The following INF2 variants were observed in gnomAD, a reference collection of about 807,000 sequenced individuals.
INF2 encodes the protein inverted formin 2.
A neutral mutation model predicts 123.5 loss-of-function variants in INF2; 43 were observed. The observed-to-expected ratio is 0.35, with a 90% CI of 0.27 to 0.45. INF2 has a LOEUF of 0.45. INF2 is among the 20% of genes least tolerant of loss of function. INF2 has a pLI of 1.00. For missense variants in INF2, 1,453 were observed against 1,682.7 expected, an observed-to-expected ratio of 0.86 and a Z score of 2.39; for synonymous variants, 851 against 745.0, an observed-to-expected ratio of 1.14 and a Z score of -2.32.
chr14:104,696,144 C>G (rs1223036067), intron 1 of INF2, among the ~76,000 whole-genome samples: 1 of 152,242 alleles, frequency 6.6e-6, no homozygotes, highest in African/African-American at 2.4e-5. Flanking sequence ...GAGCGCCTTT[C>G]TGCCCACCTG....
chr14:104,698,444 G>A (rs1472637324), intron 1 of INF2, among the ~76,000 whole-genome samples: 1 of 152,214 alleles, frequency 6.6e-6, no homozygotes, highest in Admixed American at 6.5e-5. Flanking sequence ...GGAGTGGGAA[G>A]CCTCATGGTT....
intron 1 of INF2, among the ~76,000 whole-genome samples, chr14:104,698,477 T>G (rs558826926): frequency 6.6e-6 from 1 of 152,332 alleles, no homozygotes; most frequent in Admixed American, 6.5e-5. Context: ...TAATTCACTC[T>G]ATACATAGAA....
chr14:104,701,518 C>T lies in INF2; in HGVS notation c.153C>T (p.Ser51=). ...AGATGCCCTCTGTGGTCAACTACTC[C>T]GGCCTGCGCAAGCGCCTGGAGGGCA... ...LLQMPSVVNY[S]GLRKRLEGSD... is the part of the protein sequence containing the mutation. The change falls in exon 2 of 23, where the codon TCC becomes TCT. Residue 51 remains serine (S), a synonymous_variant. Coordinates refer to ENST00000392634, the MANE Select transcript of INF2 (RefSeq NM_022489.4). The T allele has an allele frequency of 6.2e-7, 1 of 1,606,732 alleles. No homozygotes were observed. Among genetic ancestry groups the T allele is most frequent in the Non-Finnish European group, 8.5e-7 (1 of 1,177,362 alleles).
intron 1 of INF2, among the ~76,000 whole-genome samples, chr14:104,682,384 A>G (rs1011470783): frequency 3.3e-5 from 5 of 152,200 alleles, no homozygotes; most frequent in Admixed American, 2.6e-4. Flanking sequence ...CTTTCCATGA[A>G]AAAAGCATAG....
At position 104,720,162 on chromosome 14, in the gene INF2, T is replaced by C. The variant is rs1466963451; in HGVS notation, c.*1369T>C. 2 of 155,102 alleles carry C rather than the reference T, an allele frequency of 1.3e-5. No homozygotes were observed. Among genetic ancestry groups the C allele is most frequent in the Non-Finnish European group, 2.9e-5 (2 of 70,036 alleles). 9.6% of individuals were successfully genotyped at this position (155,102 alleles called of 1,614,324 possible). A position where few individuals can be genotyped will look rare whatever the true frequency, so the allele number is the denominator to read the frequency against. On this transcript the variant is annotated 3_prime_UTR_variant, in exon 23 of 23. Coordinates refer to ENST00000392634, the MANE Select transcript of INF2 (RefSeq NM_022489.4). Reference sequence around the variant, plus strand: ...TGTCTCCTGGCTTCCTTCGGCTGTTTTCACGCGCCATCCTCACGGCAGGCT... The same window carrying C: ...TGTCTCCTGGCTTCCTTCGGCTGTTCTCACGCGCCATCCTCACGGCAGGCT...
In INF2 at chr14:104,718,930, G is replaced by A. The variant is rs1010977839; in HGVS notation, c.*137G>A. Reference sequence around the variant, plus strand: ...CCAAAACTCCGTGCCTTACCCAGCCGGGGCCCTCCTGGAGCCTTCTTGGGG... The same window carrying A: ...CCAAAACTCCGTGCCTTACCCAGCCAGGGCCCTCCTGGAGCCTTCTTGGGG... On this transcript the variant is annotated 3_prime_UTR_variant, in exon 23 of 23. Coordinates refer to ENST00000392634, the MANE Select transcript of INF2 (RefSeq NM_022489.4). The A allele has an allele frequency of 1.8e-5, 27 of 1,480,962 alleles. No individual in the cohort carries two copies. Among genetic ancestry groups the A allele is most frequent in the South Asian group, 1.1e-4 (8 of 72,558 alleles). 91.7% of individuals were successfully genotyped at this position (1,480,962 alleles called of 1,614,324 possible). A position where few individuals can be genotyped will look rare whatever the true frequency, so the allele number is the denominator to read the frequency against.
At chr14:104,708,782 C>T (rs760881460) in intron 10 of INF2, 50 bp downstream of exon 10, 9 of 1,583,528 alleles carry the variant, frequency 5.7e-6, no homozygotes, top group Admixed American at 3.3e-5. Flanking sequence ...CTCGCCTCCA[C>T]CTGAGCCTTC....
intron 1 of INF2, among the ~76,000 whole-genome samples, chr14:104,698,373 C>T (rs952197512): frequency 6.6e-6 from 1 of 152,230 alleles, no homozygotes; most frequent in Non-Finnish European, 1.5e-5. Context: ...TTGCAGAGCT[C>T]GCTGTAGCAG....
intron 1 of INF2, 45 bp from the exon 2 acceptor site, chr14:104,701,312 C>A: frequency 1.3e-6 from 2 of 1,532,170 alleles, no homozygotes; most frequent in Non-Finnish European, 8.8e-7. Flanking sequence ...AGGAGGACAG[C>A]CCCCATCCCC....
exon 1 of INF2, chr14:104,681,483 C>G (rs779492828): frequency 9.7e-7 from 1 of 1,027,652 alleles, no homozygotes; most frequent in South Asian, 1.3e-5. Context: ...CAGCTAAGCC[C>G]TAGTTACCGG....
chr14:104,695,468 G>A (rs1445468114), intron 1 of INF2, among the ~76,000 whole-genome samples: 3 of 152,102 alleles, frequency 2.0e-5, no homozygotes, highest in Non-Finnish European at 4.4e-5. Context: ...CTGGCGAGCC[G>A]CCCACCCACC....
chr14:104,685,758 A>AG (rs1033075522), upstream of INF2, among the ~76,000 whole-genome samples: 1 of 131,504 alleles, frequency 7.6e-6, no homozygotes, highest in African/African-American at 3.0e-5. Flanking sequence ...TGGATGGATA[A>AG]GGGTGGGTGC....
chr14:104,699,609 G>A lies in INF2; in HGVS notation c.-9-1748G>A, dbSNP rs1427950622. 12 of 981,928 alleles carry A rather than the reference G, an allele frequency of 1.2e-5. No individual in the cohort carries two copies. The highest frequency in any genetic ancestry group is 2.4e-4 in the East Asian group (2 of 8,504). 60.8% of individuals were successfully genotyped at this position (981,928 alleles called of 1,614,324 possible). On this transcript the variant is annotated intron_variant, in intron 1 of 22. Coordinates refer to ENST00000392634, the MANE Select transcript of INF2 (RefSeq NM_022489.4). This position sits in a 1 kb window ranked among gnomAD's most constrained non-coding sequence, Gnocchi z 4.7. ...GTCTTGCGCATCTGGGTGAGTGGAC[G>A]GCCACTGGGTGACCAAGAGGGCCGG...
rs759304513 is a variant in INF2, at chr14:104,707,386, G to A, written c.1119G>A (p.Pro373=). The A allele has an allele frequency of 2.0e-5, 32 of 1,590,668 alleles. 1 individual carries two copies. Among genetic ancestry groups the A allele is most frequent in the Middle Eastern group, 1.6e-4 (1 of 6,062 alleles). The change falls in exon 8 of 23, where the codon CCG becomes CCA. Residue 373 remains proline, a synonymous_variant. Transcript: ENST00000392634. ...ACCAGAGCCAGAGGGGCAGCTCCCC[G>A]CAAAACACTACAACCCCCAAGCCCA... ...NLDQSQRGSS[P]QNTTTPKPSV...
chr14:104,692,893 C>G (rs1053267000), intron 1 of INF2, among the ~76,000 whole-genome samples: 4 of 152,178 alleles, frequency 2.6e-5, no homozygotes, highest in African/African-American at 9.7e-5. Context: ...CCAGGAGAGT[C>G]CTGAGAGAAG....
At chr14:104,713,743 C>A in intron 20 of INF2, 137 bp downstream of exon 20, 1 of 959,358 alleles carries the variant, frequency 1.0e-6, no homozygotes, top group Admixed American at 2.5e-5. Context: ...AGACTGGGGA[C>A]AGCCGAGGGG....
chr14:104,705,211 G>T lies in INF2; in HGVS notation c.702-824G>T, dbSNP rs535694992. Among the ~76,000 whole-genome samples the T allele has an allele frequency of 2.0e-5, 3 of 152,346 alleles. No homozygotes were observed. In the South Asian group the frequency reaches 6.2e-4, roughly 32 times the overall value. Reference sequence around the variant, plus strand: ...ATGGGCAGATCACCTGAGGTCAGGAGTTCGAGACCAGCTTGGCCAACATGG... The same window carrying T: ...ATGGGCAGATCACCTGAGGTCAGGATTTCGAGACCAGCTTGGCCAACATGG... On this transcript the variant is annotated intron_variant, in intron 5 of 22. Coordinates refer to ENST00000392634, the MANE Select transcript of INF2 (RefSeq NM_022489.4).
chr14:104,712,363 G>A, intron 16 of INF2, 70 bp from the exon 17 acceptor site: 3 of 1,601,044 alleles, frequency 1.9e-6, no homozygotes, highest in South Asian at 1.1e-5. Context: ...GTGCAGGGGA[G>A]GGGCTCCCCT....
Position 104,706,989 on chromosome 14 carries a change from G to C in INF2, c.923G>C (p.Ser308Thr). The change falls in exon 7 of 23, where the codon AGC (serine) becomes ACC (threonine). Residue 308 changes from serine to threonine, a missense_variant. By Grantham distance (58) the Ser-to-Thr change is moderately conservative. Transcript: ENST00000392634. Reference protein sequence around the residue: ...LLHLEPTLRSSQLLWEALESL... With the variant: ...LLHLEPTLRSTQLLWEALESL... ...CACCTGGAGCCCACCCTCCGCTCCA[G>C]CCAGCTGCTCTGGGAGGCCCTGGAG... The C allele has an allele frequency of 6.3e-7, 1 of 1,598,862 alleles. No individual in the cohort carries two copies. The highest frequency in any genetic ancestry group is 8.5e-7 in the Non-Finnish European group (1 of 1,178,592).
Sources: gnomAD v4.1 joint callset for allele counts (sites outside exome capture counted in the v4.1 genomes callset) on GRCh38, gnomAD v4.1.1 for gene constraint, Gnocchi (gnomAD v3.1) non-coding constraint, MANE v1.5 for transcripts, NCBI Gene and HGNC (gene_info 2026-07-23, HGNC 2026-07-21) for gene names.